The following TTC7B variants were observed in gnomAD, a reference collection of about 807,000 sequenced individuals.
TTC7B encodes the protein tetratricopeptide repeat protein 7B.
A neutral mutation model predicts 106.8 loss-of-function variants in TTC7B; 28 were observed. The observed-to-expected ratio is 0.26, with a 90% CI of 0.19 to 0.36. The LOEUF is 0.36. TTC7B is among the 10% of genes least tolerant of loss of function. The pLI, the probability that TTC7B is intolerant of heterozygous loss-of-function variation, is 1.00. For missense variants in TTC7B, 862 were observed against 1,076.4 expected, an observed-to-expected ratio of 0.80 and a Z score of 2.79; for synonymous variants, 405 against 430.6, an observed-to-expected ratio of 0.94 and a Z score of 0.74.
chr14:90,748,323 T>C (rs981393696), intron 3 of TTC7B, among the ~76,000 whole-genome samples: 7 of 152,154 alleles, frequency 4.6e-5, no homozygotes, highest in African/African-American at 1.7e-4. Flanking sequence ...TAATTTGGCA[T>C]AGTCTACTTT....
chr14:90,621,511 T>C (rs2139853318), intron 15 of TTC7B, among the ~76,000 whole-genome samples: 1 of 152,002 alleles, frequency 6.6e-6, no homozygotes, highest in Non-Finnish European at 1.5e-5. Context: ...GCCACGTGGG[T>C]ACGGCTGGGA....
At chr14:90,636,481 T>C (rs1175585259) in intron 15 of TTC7B, among the ~76,000 whole-genome samples, 1 of 137,058 alleles carries the variant, frequency 7.3e-6, no homozygotes, top group East Asian at 2.2e-4. Context: ...GATTTCAACA[T>C]ACCTCCTCTC....
rs1002895031 is a variant in TTC7B, at chr14:90,541,144, T to C, written c.*224A>G. On this transcript the variant is annotated 3_prime_UTR_variant, in exon 20 of 20. Coordinates refer to ENST00000328459, the MANE Select transcript of TTC7B (RefSeq NM_001010854.2). ...GGCACATGATCCATTTTGAACAATGTCAATAGGTTCAGAAACTACCATTGG... is the reference window on the plus strand; with the variant it reads ...GGCACATGATCCATTTTGAACAATGCCAATAGGTTCAGAAACTACCATTGG... 2.7e-5 allele frequency: 12 copies of C among 451,492 alleles called. No individual in the cohort carries two copies. The highest frequency in any genetic ancestry group is 1.9e-4 in the African/African-American group (10 of 51,548). 28.0% of individuals were successfully genotyped at this position (451,492 alleles called of 1,614,324 possible).
At chr14:90,777,064 T>A (rs1038299040) in intron 3 of TTC7B, among the ~76,000 whole-genome samples, 1 of 151,968 alleles carries the variant, frequency 6.6e-6, no homozygotes, top group Non-Finnish European at 1.5e-5. Context: ...GGTGAAACCC[T>A]GTCTCTACTA....
chr14:90,801,740 G>A (rs796099443), intron 1 of TTC7B, among the ~76,000 whole-genome samples: 2 of 152,270 alleles, frequency 1.3e-5, no homozygotes, highest in African/African-American at 4.8e-5. Context: ...TTTCTGGAAA[G>A]AGGGGTATTT....
At chr14:90,758,226 C>A (rs1241716605) in intron 3 of TTC7B, among the ~76,000 whole-genome samples, 2 of 149,928 alleles carry the variant, frequency 1.3e-5, no homozygotes, top group Non-Finnish European at 3.0e-5. Flanking sequence ...AATGGTCAGC[C>A]GGCCTTGGGG....
chr14:90,582,952 C>T (rs978366084), intron 18 of TTC7B, among the ~76,000 whole-genome samples: 5 of 152,318 alleles, frequency 3.3e-5, no homozygotes, highest in Admixed American at 1.3e-4. Context: ...CGTGAGATCA[C>T]CCCAGGATGT....
At chr14:90,706,833 C>G (rs1343317373) in intron 5 of TTC7B, among the ~76,000 whole-genome samples, 1 of 152,200 alleles carries the variant, frequency 6.6e-6, no homozygotes, top group Non-Finnish European at 1.5e-5. Context: ...ATGTTCACTG[C>G]TAATGGTTCG....
intron 4 of TTC7B, among the ~76,000 whole-genome samples, chr14:90,743,493 C>G (rs368514227): frequency 2.6e-5 from 4 of 152,122 alleles, no homozygotes; most frequent in Admixed American, 6.5e-5. Context: ...AACAAGACCT[C>G]CAATCATTTT....
chr14:90,746,707 A>T (rs868732480), intron 3 of TTC7B, among the ~76,000 whole-genome samples: 1 of 152,216 alleles, frequency 6.6e-6, no homozygotes, highest in African/African-American at 2.4e-5. Flanking sequence ...ATAGGTATTT[A>T]GTGTCAGCAA....
At chr14:90,788,310 C>T (rs1178649355) in intron 1 of TTC7B, among the ~76,000 whole-genome samples, 1 of 152,184 alleles carries the variant, frequency 6.6e-6, no homozygotes, top group Non-Finnish European at 1.5e-5. Flanking sequence ...AGGCAACAAG[C>T]AGCTTCCTCC....
chr14:90,659,972 C>T (rs1337126711), intron 9 of TTC7B, among the ~76,000 whole-genome samples: 2 of 152,070 alleles, frequency 1.3e-5, no homozygotes, highest in African/African-American at 4.8e-5. Flanking sequence ...GAGGCAAGAT[C>T]CTCCAGATAA....
At chr14:90,803,983 T>A (rs1267240839) in intron 1 of TTC7B, among the ~76,000 whole-genome samples, 2 of 152,054 alleles carry the variant, frequency 1.3e-5, no homozygotes, top group African/African-American at 4.8e-5. Flanking sequence ...GGCTTGGAAA[T>A]GGCCTCTCAG....
intron 15 of TTC7B, among the ~76,000 whole-genome samples, chr14:90,638,728 T>C (rs549774860): frequency 5.2e-4 from 79 of 152,344 alleles, no homozygotes; most frequent in Non-Finnish European, 1.0e-3. Context: ...CTGGACGAGC[T>C]GATTTGAAAA....
intron 8 of TTC7B, among the ~76,000 whole-genome samples, chr14:90,679,690 T>G (rs1886975834): frequency 6.6e-6 from 1 of 152,192 alleles, no homozygotes; most frequent in South Asian, 2.1e-4. Flanking sequence ...GCTCAGGTGC[T>G]CAGTATACAT....
At chr14:90,697,890 C>T (rs1239372400) in intron 5 of TTC7B, 2 of 152,226 alleles carry the variant, frequency 1.3e-5, no homozygotes, top group Non-Finnish European at 2.9e-5. Context: ...CAAACTGTTT[C>T]CAGTTTATTC....
chr14:90,784,422 TGGCG>T (rs1807103724), intron 2 of TTC7B, among the ~76,000 whole-genome samples: 1 of 152,092 alleles, frequency 6.6e-6, no homozygotes, highest in African/African-American at 2.4e-5. Context: ...CCGGGCGTGG[TGGCG>T]GGTGCCTGTA....
intron 8 of TTC7B, among the ~76,000 whole-genome samples, chr14:90,677,640 T>C (rs116766090): frequency 1.3e-3 from 198 of 152,314 alleles, no homozygotes; most frequent in African/African-American, 4.6e-3. Context: ...CCCCCCAGTC[T>C]TTCCTGTGAA....
intron 19 of TTC7B, among the ~76,000 whole-genome samples, chr14:90,549,833 G>T (rs1252611475): frequency 6.6e-6 from 1 of 152,184 alleles, no homozygotes; most frequent in African/African-American, 2.4e-5. Flanking sequence ...ACTAAATGAG[G>T]TCAGAGTTTG....
Sources: allele counts gnomAD v4.1 joint callset (sites outside exome capture counted in the v4.1 genomes callset), GRCh38; gene constraint gnomAD v4.1.1; transcripts MANE v1.5; gene names NCBI Gene and HGNC (gene_info 2026-07-23, HGNC 2026-07-21).